The following RIC8A variants were observed in gnomAD, a reference collection of about 807,000 sequenced individuals.
RIC8A encodes chaperone Ric-8A.
Under a neutral mutation model 48.4 loss-of-function variants are expected in RIC8A, and 37 were observed. The ratio of observed to expected loss-of-function variants is 0.77; its 90% CI spans 0.59 to 1.01. The LOEUF (loss-of-function observed/expected upper bound fraction) is 1.01, where lower values mean the gene tolerates loss of function less well. Ranked by LOEUF, RIC8A falls within the 50% of genes least tolerant of loss-of-function variation. The pLI is 0.00. For missense variants in RIC8A, 681 were observed against 696.8 expected, an observed-to-expected ratio of 0.98 and a Z score of 0.25; for synonymous variants, 288 against 283.4, an observed-to-expected ratio of 1.02 and a Z score of -0.16.
chr11:208,850 G>C lies in RIC8A; in HGVS notation c.-5G>C, dbSNP rs757878995. 7.5e-6 allele frequency: 12 copies of C among 1,607,350 alleles called. No homozygotes were observed. The East Asian group carries it at 2.0e-4, about 27-fold the overall frequency. On this transcript the variant is annotated 5_prime_UTR_variant, in exon 1 of 10. Coordinates refer to ENST00000526104, the MANE Select transcript of RIC8A (RefSeq NM_001286134.2). The surrounding 1 kb of genome is among the most constrained non-coding windows in gnomAD (Gnocchi z 4.8). ...AAGGGCCCGTCCCGCCTTCCCCGGC[G>C]CGCCATGGAGCCCCGGGCGGTTGCA...
rs1467989664 is a variant in RIC8A at position 214,784 on chromosome 11, G to A, written c.*434G>A. On this transcript the variant is annotated 3_prime_UTR_variant, in exon 10 of 10. Transcript: ENST00000526104. ...TGGGGTATGTGCTGCACTTCCCAGG[G>A]AGAAAACCTGTCAGAACTTTCCATA... 1.2e-5 allele frequency: 4 copies of A among 339,410 alleles called. No homozygotes were observed. Among genetic ancestry groups the A allele is most frequent in the Non-Finnish European group, 2.3e-5 (4 of 173,906 alleles). 21.0% of individuals were successfully genotyped at this position (339,410 alleles called of 1,614,324 possible).
rs1855257558 is a variant in RIC8A at position 208,770 on chromosome 11, C to G, written c.-85C>G. On this transcript the variant is annotated 5_prime_UTR_variant, in exon 1 of 10. Coordinates refer to ENST00000526104, the MANE Select transcript of RIC8A (RefSeq NM_001286134.2). This position sits in a 1 kb window ranked among gnomAD's most constrained non-coding sequence, Gnocchi z 4.8. ...TCCCGGCCTCCCCCGCGCGCTGGCG[C>G]GGGGCTTTCTGGGCCAGGGCGGGGC... 13 of 1,107,276 alleles carry G rather than the reference C, an allele frequency of 1.2e-5. No individual in the cohort carries two copies. Among genetic ancestry groups the G allele is most frequent in the Non-Finnish European group, 1.5e-5 (12 of 796,364 alleles). 68.6% of individuals were successfully genotyped at this position (1,107,276 alleles called of 1,614,324 possible). A position where few individuals can be genotyped will look rare whatever the true frequency, so the allele number is the denominator to read the frequency against.
Position 211,079 on chromosome 11 carries a change from C to T in RIC8A, c.819-120C>T, listed in dbSNP as rs752762746. The T allele has an allele frequency of 5.9e-5, 66 of 1,117,618 alleles. 1 individual carries two copies. The South Asian group carries it at 6.3e-4, about 11-fold the overall frequency. 69.2% of individuals were successfully genotyped at this position (1,117,618 alleles called of 1,614,324 possible). On this transcript the variant is annotated intron_variant, in intron 4 of 9. Coordinates refer to ENST00000526104, the MANE Select transcript of RIC8A (RefSeq NM_001286134.2). This position sits in a 1 kb window ranked among gnomAD's most constrained non-coding sequence, Gnocchi z 4.0. ...CCCTGCCCTTGGCTTTGGTCCCTAG[C>T]GCTGCCCCTTTGGGACTCAGATGCC...
In RIC8A at chr11:213,171, C is replaced by A. The variant is rs151224484; in HGVS notation, c.1356-128C>A. 24 of 1,434,248 alleles carry A rather than the reference C, an allele frequency of 1.7e-5. No homozygotes were observed. The East Asian group carries it at 4.1e-4, about 25-fold the overall frequency. The allele number at this position is 1,434,248 out of a possible 1,614,324, so 88.8% of individuals were successfully genotyped here. ...GATGGCAGGAGCTGGTTACCTGTGCCGCTTCTGGAGGGAGGCCTCTTCCTG... is the reference window on the plus strand; with the variant it reads ...GATGGCAGGAGCTGGTTACCTGTGCAGCTTCTGGAGGGAGGCCTCTTCCTG... On this transcript the variant is annotated intron_variant, in intron 8 of 9. Coordinates refer to ENST00000526104, the MANE Select transcript of RIC8A (RefSeq NM_001286134.2).
chr11:211,097 C>CAATG lies in RIC8A; in HGVS notation c.819-101_819-100insATGA. ...TCCCTAGCGCTGCCCCTTTGGGACTCAGATGCCAGCTCATGTAATGTGTGG... is the reference window on the plus strand; with the variant it reads ...TCCCTAGCGCTGCCCCTTTGGGACTCAATGAGATGCCAGCTCATGTAATGTGTGG... On this transcript the variant is annotated intron_variant, in intron 4 of 9. Coordinates refer to ENST00000526104, the MANE Select transcript of RIC8A (RefSeq NM_001286134.2). The surrounding 1 kb of genome is among the most constrained non-coding windows in gnomAD (Gnocchi z 4.0). The CAATG allele has an allele frequency of 2.3e-6, 3 of 1,327,352 alleles. No homozygotes were observed. The highest frequency in any genetic ancestry group is 3.1e-6 in the Non-Finnish European group (3 of 960,080). 82.2% of individuals were successfully genotyped at this position (1,327,352 alleles called of 1,614,324 possible).
At chr11:212,324 T>G in intron 5 of RIC8A, 92 bp from the exon 6 acceptor site, 6 of 1,232,644 alleles carry the variant, frequency 4.9e-6, no homozygotes, top group Non-Finnish European at 7.0e-6. Context: ...CTGTTGTGTA[T>G]GTTGGTGGGA....
rs939385757 is a variant in RIC8A, at chr11:210,942, G to A, written c.819-257G>A. The A allele has an allele frequency of 8.2e-5, 50 of 606,156 alleles. No homozygotes were observed. The South Asian group carries it at 1.0e-3, about 12-fold the overall frequency. The allele number at this position is 606,156 out of a possible 1,614,324, so 37.5% of individuals were successfully genotyped here. On this transcript the variant is annotated intron_variant, in intron 4 of 9. Coordinates refer to ENST00000526104, the MANE Select transcript of RIC8A (RefSeq NM_001286134.2). ...CCCTAGGCTGGTCTGGGTTTCCAGA[G>A]ATGGTCTGGCGCTTTGGCTCAGACA...
rs1855345075 is a variant in RIC8A at position 211,087 on chromosome 11, C to T, written c.819-112C>T. On this transcript the variant is annotated intron_variant, in intron 4 of 9. Transcript: ENST00000526104. The surrounding 1 kb of genome is among the most constrained non-coding windows in gnomAD (Gnocchi z 4.0). ...TTGGCTTTGGTCCCTAGCGCTGCCC[C>T]TTTGGGACTCAGATGCCAGCTCATG... 8.1e-7 allele frequency: 1 copy of T among 1,235,406 alleles called. No individual in the cohort carries two copies. The highest frequency in any genetic ancestry group is 2.2e-5 in the Admixed American group (1 of 44,496). 76.5% of individuals were successfully genotyped at this position (1,235,406 alleles called of 1,614,324 possible). A position where few individuals can be genotyped will look rare whatever the true frequency, so the allele number is the denominator to read the frequency against.
Position 212,651 on chromosome 11 carries a change from G to C in RIC8A, c.1102G>C (p.Glu368Gln). 1 of 1,614,112 alleles carries C rather than the reference G, an allele frequency of 6.2e-7. No individual in the cohort carries two copies. The highest frequency in any genetic ancestry group is 8.5e-7 in the Non-Finnish European group (1 of 1,180,012). The change falls in exon 7 of 10, where the codon GAG becomes CAG. Residue 368 changes from glutamate to glutamine, a missense_variant. By Grantham distance (29) the Glu-to-Gln change is conservative. Coordinates refer to ENST00000526104, the MANE Select transcript of RIC8A (RefSeq NM_001286134.2). Reference sequence around the variant, plus strand: ...TCTGCGGGATGTGAGGACACGGCCTGAGGTTGGGGAGATGCTGCGGAACAA... The same window carrying C: ...TCTGCGGGATGTGAGGACACGGCCTCAGGTTGGGGAGATGCTGCGGAACAA... ...PPLRDVRTRP[E>Q]VGEMLRNKLV...
intron 9 of RIC8A, chr11:213,735 G>A: frequency 3.7e-6 from 1 of 273,758 alleles, no homozygotes; most frequent in South Asian, 4.2e-5. Context: ...ACAAGGTCAG[G>A]AGATCGAGAC....
rs1564798318 is a variant in RIC8A at position 209,321 on chromosome 11, G to A, written c.132+3G>A. ...ATGCCCAACAGGAGGACCGGAAGGT[G>A]GGTGCTGGCCCAAGGGGTAAAGGGG... is the stretch of plus-strand genomic sequence containing the variant. On this transcript the variant is annotated splice_donor_region_variant and intron_variant, in intron 2 of 9. Transcript: ENST00000526104. The A allele has an allele frequency of 6.2e-7, 1 of 1,613,036 alleles. No individual in the cohort carries two copies. Among genetic ancestry groups the A allele is most frequent in the East Asian group, 2.2e-5 (1 of 44,866 alleles).
rs1157029347 is a variant in RIC8A, at chr11:208,022, A to G, written c.-833A>G. The G allele has an allele frequency of 1.3e-5, 2 of 152,344 alleles. No individual in the cohort carries two copies. Among genetic ancestry groups the G allele is most frequent in the Non-Finnish European group, 2.9e-5 (2 of 68,066 alleles). 9.4% of individuals were successfully genotyped at this position (152,344 alleles called of 1,614,324 possible). On this transcript the variant is annotated 5_prime_UTR_variant, in exon 1 of 10. Coordinates refer to ENST00000526104, the MANE Select transcript of RIC8A (RefSeq NM_001286134.2). This position sits in a 1 kb window ranked among gnomAD's most constrained non-coding sequence, Gnocchi z 4.8. ...ACGCCTTTGCTCCCGGGCACTTGTT[A>G]GAAGAGCGAGTGGATCGCGCTTCCT...
chr11:212,867 G>C lies in RIC8A; in HGVS notation c.1241G>C (p.Gly414Ala). ...CGATTCATCAAGTACACAGGCTATG[G>C]GAATGCTGCTGGCCTTCTGGCTGCC... ...VPRFIKYTGYGNAAGLLAARG... is the reference protein window; with the variant it reads ...VPRFIKYTGYANAAGLLAARG... Residue 414 changes from glycine to alanine, a missense_variant, in exon 8 of 10, where the codon GGG (glycine) becomes GCG (alanine). Gly to Ala is a moderately conservative substitution (Grantham distance 60). Transcript: ENST00000526104. 6.2e-7 allele frequency: 1 copy of C among 1,607,016 alleles called. No homozygotes were observed. Among genetic ancestry groups the C allele is most frequent in the Non-Finnish European group, 8.5e-7 (1 of 1,176,332 alleles).
Position 210,669 on chromosome 11 carries a change from ATG to A in RIC8A, c.818+8_818+9del. ...GCACAGAGGAGTTCCACGGGTGAGAATGGGGCTTTTTCTGGGAGGGAAGTGTG... is the reference window on the plus strand; with the variant it reads ...GCACAGAGGAGTTCCACGGGTGAGAAGGGCTTTTTCTGGGAGGGAAGTGTG... On this transcript the variant is annotated splice_region_variant and intron_variant, in intron 4 of 9. Transcript: ENST00000526104. The A allele has an allele frequency of 6.2e-7, 1 of 1,613,650 alleles. No homozygotes were observed. The highest frequency in any genetic ancestry group is 1.1e-5 in the South Asian group (1 of 91,058).
At chr11:210,916 C>T (rs1289796666) in intron 4 of RIC8A, 6 of 603,056 alleles carry the variant, frequency 9.9e-6, no homozygotes, top group African/African-American at 9.3e-5. Flanking sequence ...GGTCTACCTG[C>T]CCCTAGGCTG....
chr11:214,754 T>C lies in RIC8A; in HGVS notation c.*404T>C, dbSNP rs1286333564. 1.4e-5 allele frequency: 5 copies of C among 357,324 alleles called. No homozygotes were observed. The Admixed American group carries it at 1.5e-4, about 11-fold the overall frequency. The allele number at this position is 357,324 out of a possible 1,614,324, so 22.1% of individuals were successfully genotyped here. On this transcript the variant is annotated 3_prime_UTR_variant, in exon 10 of 10. Coordinates refer to ENST00000526104, the MANE Select transcript of RIC8A (RefSeq NM_001286134.2). ...GGGATTGGCACACTGGCAGAGCCAG[T>C]GTGTTGGGGTATGTGCTGCACTTCC... is the stretch of plus-strand genomic sequence containing the variant.
In RIC8A at chr11:209,333, A is replaced by G; in HGVS notation, c.132+15A>G. On this transcript the variant is annotated intron_variant, in intron 2 of 9. Transcript: ENST00000526104. ...AGGACCGGAAGGTGGGTGCTGGCCC[A>G]AGGGGTAAAGGGGCAGGGACGGGTG... The G allele has an allele frequency of 6.2e-7, 1 of 1,609,040 alleles. No individual in the cohort carries two copies. The highest frequency in any genetic ancestry group is 8.5e-7 in the Non-Finnish European group (1 of 1,176,476).
At position 209,958 on chromosome 11, in the gene RIC8A, C is replaced by T. The variant is rs748736721; in HGVS notation, c.684C>T (p.Leu228=). ...GGGCCATGGAGATCCTCAAAGTGCT[C>T]TTCAACATCACCCTGGACTCCATCA... ...TERAMEILKV[L]FNITLDSIKG... The change falls in exon 3 of 10, where the codon CTC becomes CTT. Residue 228 remains leucine (L), a synonymous_variant. Coordinates refer to ENST00000526104, the MANE Select transcript of RIC8A (RefSeq NM_001286134.2). 34 of 1,599,652 alleles carry T rather than the reference C, an allele frequency of 2.1e-5. No homozygotes were observed. Among genetic ancestry groups the T allele is most frequent in the Non-Finnish European group, 2.9e-5 (34 of 1,178,706 alleles).
intron 3 of RIC8A, 48 bp downstream of exon 3, chr11:210,048 AT>A: frequency 6.8e-7 from 1 of 1,473,670 alleles, no homozygotes; most frequent in East Asian, 2.3e-5. Flanking sequence ...CAGCTCCAAC[AT>A]TTCCTGGACC....
Sources: allele counts gnomAD v4.1 joint callset, GRCh38; gene constraint gnomAD v4.1.1; non-coding constraint Gnocchi (gnomAD v3.1); transcripts MANE v1.5; gene names NCBI Gene and HGNC (gene_info 2026-07-23, HGNC 2026-07-21).